The following EPHB2 variants were observed in gnomAD, a reference collection of about 807,000 sequenced individuals.
EPHB2 encodes the protein EPH receptor B2.
A neutral mutation model predicts 96.4 loss-of-function variants in EPHB2; 18 were observed. The observed-to-expected ratio is 0.19, with a 90% CI of 0.13 to 0.28. EPHB2 has a LOEUF of 0.28. Among genes scored for constraint, EPHB2 ranks in the 10% least tolerant of loss-of-function variants. The pLI is 1.00. For missense variants in EPHB2, 989 were observed against 1,355.4 expected (o/e 0.73, Z 4.25); for synonymous variants, 506 against 534.1 (o/e 0.95, Z 0.72).
At chr1:22,831,039 G>T (rs567429051) in intron 3 of EPHB2, among the ~76,000 whole-genome samples, 1 of 152,196 alleles carries the variant, frequency 6.6e-6, no homozygotes, top group Admixed American at 6.5e-5. Flanking sequence ...AATGCTCCAC[G>T]TTGACTACCA....
intron 1 of EPHB2, among the ~76,000 whole-genome samples, chr1:22,768,249 C>G (rs1347469925): frequency 6.6e-6 from 1 of 152,186 alleles, no homozygotes; most frequent in Non-Finnish European, 1.5e-5. Context: ...GAGAAGCCCT[C>G]CATACCTTTC....
chr1:22,843,446 G>T (rs114067345), intron 3 of EPHB2, among the ~76,000 whole-genome samples: 1,987 of 152,226 alleles, frequency 0.013, 43 homozygotes, highest in African/African-American at 0.045. Context: ...CATCACCCCG[G>T]TGATAAGCAT....
intron 1 of EPHB2, among the ~76,000 whole-genome samples, chr1:22,727,188 T>C (rs72879166): frequency 0.039 from 5,880 of 152,276 alleles, 290 homozygotes; most frequent in African/African-American, 0.12. Flanking sequence ...AGAGGCAAGC[T>C]GGAGGCCAGG....
At chr1:22,754,816 G>GC (rs1644118265) in intron 1 of EPHB2, among the ~76,000 whole-genome samples, 2 of 1,042 alleles carry the variant, frequency 1.9e-3, no homozygotes, top group African/African-American at 4.2e-3. Context: ...AGAGGCAGGG[G>GC]AAGGGAGGTG....
At chr1:22,767,748 G>C (rs1392640894) in intron 1 of EPHB2, among the ~76,000 whole-genome samples, 1 of 152,090 alleles carries the variant, frequency 6.6e-6, no homozygotes, top group African/African-American at 2.4e-5. Context: ...TCTTGATTTC[G>C]AGCCCTGCTC....
In EPHB2 at chr1:22,832,062, C is replaced by A. The variant is rs10917315; in HGVS notation, c.812-30975C>A. The stretch of plus-strand genomic sequence containing the variant: ...TTTCCTCTCTTGCAGTCCAGGAGGA[C>A]CTTCGAGGCCCCTGGCTGTTTGAGC... On this transcript the variant is annotated intron_variant, in intron 3 of 15. Coordinates refer to ENST00000374630, the MANE Select transcript of EPHB2 (RefSeq NM_017449.5). 6.6e-3 allele frequency among the ~76,000 whole-genome samples: 1,009 copies of A among 152,282 alleles called. 11 individuals carry two copies. Among genetic ancestry groups the A allele is most frequent in the African/African-American group, 0.023 (938 of 41,552 alleles).
At chr1:22,856,118 C>CAGTT (rs1411073019) in intron 3 of EPHB2, among the ~76,000 whole-genome samples, 1 of 152,150 alleles carries the variant, frequency 6.6e-6, no homozygotes, top group Non-Finnish European at 1.5e-5. Context: ...GAGGTGGCAT[C>CAGTT]AGTTGTCTTT....
At chr1:22,726,994 C>A (rs1014151253) in intron 1 of EPHB2, among the ~76,000 whole-genome samples, 7 of 152,202 alleles carry the variant, frequency 4.6e-5, no homozygotes, top group Admixed American at 2.0e-4. Flanking sequence ...TTGTATGAGC[C>A]ATGGTGAACC....
At chr1:22,719,838 G>T (rs1283320962) in intron 1 of EPHB2, among the ~76,000 whole-genome samples, 1 of 152,174 alleles carries the variant, frequency 6.6e-6, no homozygotes, top group East Asian at 1.9e-4. Flanking sequence ...CTCCTGAAAA[G>T]CATATCACTT....
rs546790806 is a variant in EPHB2, at chr1:22,800,769, G to T, written c.811+15693G>T. 3.5e-4 allele frequency among the ~76,000 whole-genome samples: 36 copies of T among 102,050 alleles called. No homozygotes were observed. The East Asian group carries it at 0.011, about 31-fold the overall frequency. 66.9% of individuals were successfully genotyped at this position (102,050 alleles called of 152,430 possible). On this transcript the variant is annotated intron_variant, in intron 3 of 15. Transcript: ENST00000374630. The stretch of plus-strand genomic sequence containing the variant: ...ATTTGTGGAGTGTGTGCGTGTGTAT[G>T]TGACACACACACACACACACACACA...
intron 3 of EPHB2, among the ~76,000 whole-genome samples, chr1:22,788,747 G>GTTTTTTTTTTTTTTTTTTT (rs1302258024): frequency 1.1e-5 from 1 of 90,688 alleles, no homozygotes; most frequent in African/African-American, 3.9e-5. Context: ...TTTGTCTTTT[G>GTTTTTTTTTTTTTTTTTTT]TTTTTGTTTT....
chr1:22,829,280 G>A (rs1426923222), intron 3 of EPHB2, among the ~76,000 whole-genome samples: 2 of 152,222 alleles, frequency 1.3e-5, no homozygotes, highest in Non-Finnish European at 2.9e-5. Context: ...CCTGCAGTTG[G>A]CCCCTCCCCA....
chr1:22,749,165 C>T (rs1428236805), intron 1 of EPHB2, among the ~76,000 whole-genome samples: 1 of 151,850 alleles, frequency 6.6e-6, no homozygotes, highest in Non-Finnish European at 1.5e-5. Flanking sequence ...GGACTACAGG[C>T]AGGTGCCACC....
At chr1:22,870,233 T>C (rs1638616581) in intron 5 of EPHB2, among the ~76,000 whole-genome samples, 1 of 152,212 alleles carries the variant, frequency 6.6e-6, no homozygotes. Flanking sequence ...TCTGACTTCA[T>C]CCAGCCATCA....
intron 1 of EPHB2, among the ~76,000 whole-genome samples, chr1:22,758,120 G>A (rs1048053088): frequency 2.1e-5 from 3 of 144,052 alleles, no homozygotes; most frequent in Non-Finnish European, 4.6e-5. Flanking sequence ...GGGTTTCACC[G>A]TGTTAGCCAG....
chr1:22,906,615 C>T lies in EPHB2; in HGVS notation c.1889-95C>T. The T allele has an allele frequency of 1.3e-6, 2 of 1,577,282 alleles. No homozygotes were observed. The highest frequency in any genetic ancestry group is 1.7e-6 in the Non-Finnish European group (2 of 1,161,144). On this transcript the variant is annotated intron_variant, in intron 10 of 15. Transcript: ENST00000374630. The surrounding 1 kb of genome is among the most constrained non-coding windows in gnomAD (Gnocchi z 4.8). ...AGTGGGCCATTGAGAAGAAAATGTA[C>T]CTGCAGGCCCCGTGAGTGGACATGA...
intron 1 of EPHB2, among the ~76,000 whole-genome samples, chr1:22,761,065 C>T (rs923632759): frequency 6.6e-6 from 1 of 152,184 alleles, no homozygotes; most frequent in African/African-American, 2.4e-5. Context: ...GCAGCATCAG[C>T]ATCACCTGGG....
intron 3 of EPHB2, among the ~76,000 whole-genome samples, chr1:22,824,827 C>T (rs1194122786): frequency 5.9e-5 from 9 of 152,350 alleles, no homozygotes; most frequent in South Asian, 2.1e-4. Flanking sequence ...ATGGCAGCCC[C>T]GTGAGCATTC....
intron 5 of EPHB2, 150 bp from the exon 6 acceptor site, chr1:22,882,209 G>A (rs1157666045): frequency 9.4e-6 from 13 of 1,379,360 alleles, no homozygotes; most frequent in Admixed American, 5.7e-5. Context: ...GCCCCCTGTC[G>A]GCTCCCCGAG....
Sources: gnomAD v4.1 joint callset for allele counts (sites outside exome capture counted in the v4.1 genomes callset) on GRCh38, gnomAD v4.1.1 for gene constraint, Gnocchi (gnomAD v3.1) non-coding constraint, MANE v1.5 for transcripts, NCBI Gene and HGNC (gene_info 2026-07-23, HGNC 2026-07-21) for gene names.